PKHD1L1: variants seen among roughly 807,000 people sequenced by gnomAD.
PKHD1L1 encodes PKHD1 like 1.
Under a neutral mutation model 462.9 loss-of-function variants are expected in PKHD1L1, and 434 were observed. The observed-to-expected ratio is 0.94, with a 90% CI of 0.87 to 1.02. The LOEUF (loss-of-function observed/expected upper bound fraction) is 1.02. PKHD1L1 is among the 50% of genes least tolerant of loss of function. The probability of loss-of-function intolerance (pLI) is 0.00; values close to 1 mark genes in which losing one functional copy is unlikely to be tolerated. For synonymous variants in PKHD1L1, 1,781 were observed against 1,750.0 expected, an observed-to-expected ratio of 1.02 and a Z score of -0.44; for missense variants, 5,202 against 5,096.1, an observed-to-expected ratio of 1.02 and a Z score of -0.63.
intron 76 of PKHD1L1, among the ~76,000 whole-genome samples, chr8:109,526,045 C>T (rs1482406800): frequency 6.6e-6 from 1 of 152,076 alleles, no homozygotes; most frequent in African/African-American, 2.4e-5. Context: ...ATAGCATAGA[C>T]CCAAAATAAA....
At chr8:109,496,671 T>C (rs138255930) in intron 63 of PKHD1L1, among the ~76,000 whole-genome samples, 110 of 152,336 alleles carry the variant, frequency 7.2e-4, no homozygotes, top group African/African-American at 2.4e-3. Flanking sequence ...GGCAGGAAGA[T>C]GGCTTGAGTT....
chr8:109,386,227 G>A (rs1042429265), intron 6 of PKHD1L1, among the ~76,000 whole-genome samples: 17 of 152,136 alleles, frequency 1.1e-4, no homozygotes, highest in Non-Finnish European at 2.2e-4. Flanking sequence ...CCACATTTTG[G>A]ACTAAAAACT....
chr8:109,430,729 G>A (rs1360502859), intron 27 of PKHD1L1, among the ~76,000 whole-genome samples: 2 of 151,678 alleles, frequency 1.3e-5, no homozygotes, highest in African/African-American at 2.4e-5. Context: ...AGGAAAATTC[G>A]CCAACTAATT....
rs1049792849 is a variant in PKHD1L1, at chr8:109,429,793, T to C, written c.3124-139T>C. 11 of 674,504 alleles carry C rather than the reference T, an allele frequency of 1.6e-5. No homozygotes were observed. In the African/African-American group the frequency reaches 1.9e-4, roughly 11 times the overall value. 41.8% of individuals were successfully genotyped at this position (674,504 alleles called of 1,614,324 possible). ...TTCCCAAGGGCAAAAATGAATGAAA[T>C]ATCAAAGTACAAAAAATATAGACTA... On this transcript the variant is annotated intron_variant, in intron 26 of 77. Coordinates refer to ENST00000378402, the MANE Select transcript of PKHD1L1 (RefSeq NM_177531.6).
At chr8:109,432,318 A>T (rs1303503848) in intron 27 of PKHD1L1, among the ~76,000 whole-genome samples, 1 of 152,160 alleles carries the variant, frequency 6.6e-6, no homozygotes, top group African/African-American at 2.4e-5. Context: ...CAACCCCATG[A>T]CTTCATGTAT....
intron 37 of PKHD1L1, among the ~76,000 whole-genome samples, 199 bp downstream of exon 37, chr8:109,444,101 A>G (rs1191566037): frequency 7.1e-6 from 1 of 140,474 alleles, no homozygotes; most frequent in Non-Finnish European, 1.5e-5. Flanking sequence ...CAATTTTAGA[A>G]CATTTTCATT....
chr8:109,483,698 T>C (rs1818386918), intron 57 of PKHD1L1, among the ~76,000 whole-genome samples: 1 of 151,122 alleles, frequency 6.6e-6, no homozygotes, highest in Non-Finnish European at 1.5e-5. Context: ...TAAAATTATT[T>C]ATTATAAATT....
chr8:109,393,376 T>G (rs577492027), intron 9 of PKHD1L1, among the ~76,000 whole-genome samples: 2 of 152,302 alleles, frequency 1.3e-5, no homozygotes, highest in South Asian at 4.1e-4. Flanking sequence ...ACTTTTCTAG[T>G]GGAGAACGTC....
At chr8:109,449,236 T>C (rs1816343499) in intron 39 of PKHD1L1, 102 bp from the exon 40 acceptor site, 2 of 1,168,646 alleles carry the variant, frequency 1.7e-6, no homozygotes, top group Non-Finnish European at 2.3e-6. Flanking sequence ...CTTCATTTAA[T>C]GTAACTTACT....
rs1033428579 is a variant in PKHD1L1, at chr8:109,537,158, G to T, written c.*7068G>T. ...GAAATGAATGTGACTTTATGATCTT[G>T]TATTCAACTGTGAACAGCTGCTCAT... On this transcript the variant is annotated 3_prime_UTR_variant, in exon 78 of 78. Transcript: ENST00000378402. 6.6e-6 allele frequency among the ~76,000 whole-genome samples: 1 copy of T among 152,110 alleles called. No individual in the cohort carries two copies. The highest frequency in any genetic ancestry group is 1.5e-5 in the Non-Finnish European group (1 of 68,018).
intron 1 of PKHD1L1, among the ~76,000 whole-genome samples, 160 bp from the exon 2 acceptor site, chr8:109,364,387 C>T (rs1811124273): frequency 6.6e-6 from 1 of 152,224 alleles, no homozygotes; most frequent in South Asian, 2.1e-4. Flanking sequence ...TCTGTCAAGT[C>T]ATTGGCAGAG....
At chr8:109,393,503 G>C (rs1812806415) in intron 9 of PKHD1L1, among the ~76,000 whole-genome samples, 1 of 152,078 alleles carries the variant, frequency 6.6e-6, no homozygotes, top group Non-Finnish European at 1.5e-5. Flanking sequence ...GTTTATTAAG[G>C]ACAGTTTTAA....
intron 23 of PKHD1L1, 36 bp from the exon 24 acceptor site, chr8:109,425,049 T>G (rs375970570): frequency 6.7e-7 from 1 of 1,481,982 alleles, no homozygotes; most frequent in East Asian, 2.5e-5. Context: ...CATTGTTAAG[T>G]TTAATCATTT....
intron 71 of PKHD1L1, among the ~76,000 whole-genome samples, chr8:109,511,398 T>G (rs562144936): frequency 7.6e-6 from 1 of 132,314 alleles, no homozygotes. Context: ...CCTGTGTCCA[T>G]GTGTTCTCAT....
At chr8:109,516,516 A>G (rs1208052818) in intron 72 of PKHD1L1, among the ~76,000 whole-genome samples, 1 of 152,030 alleles carries the variant, frequency 6.6e-6, no homozygotes, top group Non-Finnish European at 1.5e-5. Flanking sequence ...ATCTCCAAAT[A>G]TCATCACCTT....
intron 59 of PKHD1L1, among the ~76,000 whole-genome samples, chr8:109,487,631 A>AT (rs1345405173): frequency 1.3e-5 from 2 of 151,856 alleles, no homozygotes; most frequent in African/African-American, 4.8e-5. Flanking sequence ...GAATTGAGTG[A>AT]TTGCATTCCT....
chr8:109,416,807 A>G (rs921240946), intron 21 of PKHD1L1, among the ~76,000 whole-genome samples: 7 of 152,204 alleles, frequency 4.6e-5, no homozygotes, highest in African/African-American at 1.2e-4. Context: ...TTCATGCCCA[A>G]TTTGCTACAG....
intron 40 of PKHD1L1, among the ~76,000 whole-genome samples, chr8:109,449,977 A>T (rs1247129450): frequency 6.6e-6 from 1 of 152,232 alleles, no homozygotes; most frequent in African/African-American, 2.4e-5. Flanking sequence ...TTATCAGTTA[A>T]TGTACATAAA....
chr8:109,513,260 TC>T (rs747566400), intron 71 of PKHD1L1, among the ~76,000 whole-genome samples: 38 of 152,038 alleles, frequency 2.5e-4, no homozygotes, highest in Non-Finnish European at 4.0e-4. Context: ...AGAGAGGGCA[TC>T]CCTGTCTTGT....
Sources: allele counts gnomAD v4.1 joint callset (sites outside exome capture counted in the v4.1 genomes callset), GRCh38; gene constraint gnomAD v4.1.1; transcripts MANE v1.5; gene names NCBI Gene and HGNC (gene_info 2026-07-23, HGNC 2026-07-21).